Variants in FAF1 observed in about 807,000 individuals in gnomAD.
FAF1 encodes the protein Fas associated factor 1, also known as FAS-associated factor 1.
In FAF1, 25 loss-of-function variants were observed where a neutral mutation model predicts 92.5. The observed-to-expected ratio is 0.27, with a 90% confidence interval of 0.20 to 0.38. The LOEUF is 0.38. Among genes scored for constraint, FAF1 ranks in the 10% least tolerant of loss-of-function variants. FAF1 has a pLI of 1.00. For synonymous variants in FAF1, 234 were observed against 273.2 expected, an observed-to-expected ratio of 0.86 and a Z score of 1.42; for missense variants, 636 against 793.3, an observed-to-expected ratio of 0.80 and a Z score of 2.38.
At chr1:50,520,839 T>G (rs959944133) in intron 15 of FAF1, among the ~76,000 whole-genome samples, 1 of 152,194 alleles carries the variant, frequency 6.6e-6, no homozygotes, top group Non-Finnish European at 1.5e-5. Context: ...AGTGACACCC[T>G]GTCTCAAAAA....
intron 8 of FAF1, among the ~76,000 whole-genome samples, chr1:50,641,843 C>T (rs1331482193): frequency 6.6e-6 from 1 of 152,140 alleles, no homozygotes; most frequent in South Asian, 2.1e-4. Context: ...CATTTAGGAT[C>T]ATTCTGTCTT....
chr1:50,625,189 C>T (rs891404601), intron 8 of FAF1, among the ~76,000 whole-genome samples: 4 of 152,050 alleles, frequency 2.6e-5, no homozygotes, highest in African/African-American at 4.8e-5. Context: ...CGTGAGCCAC[C>T]GCTCCCGGCA....
intron 18 of FAF1, among the ~76,000 whole-genome samples, chr1:50,468,705 C>T (rs950547986): frequency 6.6e-6 from 1 of 151,844 alleles, no homozygotes; most frequent in Non-Finnish European, 1.5e-5. Context: ...GTGATCCACC[C>T]ACCTTGGCCT....
intron 15 of FAF1, among the ~76,000 whole-genome samples, chr1:50,530,024 AATC>A (rs1172896272): frequency 6.6e-6 from 1 of 152,188 alleles, no homozygotes; most frequent in East Asian, 1.9e-4. Flanking sequence ...TTAGTAACCT[AATC>A]ATCAACAGTT....
At chr1:50,766,063 G>C (rs1256701130) in intron 4 of FAF1, among the ~76,000 whole-genome samples, 2 of 152,084 alleles carry the variant, frequency 1.3e-5, no homozygotes, top group Non-Finnish European at 2.9e-5. Context: ...TTGCACTCCA[G>C]CCTGGGCGAC....
At chr1:50,461,589 G>A (rs983991627) in intron 18 of FAF1, 1 of 152,228 alleles carries the variant, frequency 6.6e-6, no homozygotes, top group South Asian at 2.1e-4. Context: ...TTCCCAGAGG[G>A]CCCTGACATA....
chr1:50,796,744 C>T (rs1316185376), intron 3 of FAF1, among the ~76,000 whole-genome samples: 1 of 152,178 alleles, frequency 6.6e-6, no homozygotes, highest in Non-Finnish European at 1.5e-5. Flanking sequence ...TGCAGTCACT[C>T]TATCTAGGTT....
At chr1:50,587,092 A>C (rs1424060462) in intron 9 of FAF1, among the ~76,000 whole-genome samples, 2 of 152,078 alleles carry the variant, frequency 1.3e-5, no homozygotes, top group African/African-American at 4.8e-5. Flanking sequence ...GAAAAAAGGG[A>C]ATGTTCTATA....
rs1214384784 is a variant in FAF1, at chr1:50,639,100, ATTAAC to A, written c.744+16337_744+16341del. On this transcript the variant is annotated intron_variant, in intron 8 of 18. Coordinates refer to ENST00000396153, the MANE Select transcript of FAF1 (RefSeq NM_007051.3). Reference sequence around the variant, plus strand: ...TGATGTAGTCTTTGTGCCTGTCATCATTAACTTAAGTATTGTATCTATCAGTAGTT... The same window carrying A: ...TGATGTAGTCTTTGTGCCTGTCATCATTAAGTATTGTATCTATCAGTAGTT... Among the ~76,000 whole-genome samples the A allele has an allele frequency of 3.9e-5, 6 of 152,338 alleles. No homozygotes were observed. In the South Asian group the frequency reaches 1.0e-3, roughly 26 times the overall value.
chr1:50,579,817 C>A (rs1251584332), intron 12 of FAF1, among the ~76,000 whole-genome samples: 2 of 151,950 alleles, frequency 1.3e-5, no homozygotes, highest in African/African-American at 4.8e-5. Context: ...ATCTAATACT[C>A]AAATATAACT....
intron 18 of FAF1, among the ~76,000 whole-genome samples, chr1:50,448,249 A>G (rs1438308914): frequency 6.6e-6 from 1 of 152,104 alleles, no homozygotes; most frequent in African/African-American, 2.4e-5. Context: ...TGAGTTCCCC[A>G]GTGGCTGGAA....
At chr1:50,772,315 AT>A (rs1200585780) in intron 4 of FAF1, among the ~76,000 whole-genome samples, 5 of 152,208 alleles carry the variant, frequency 3.3e-5, no homozygotes, top group African/African-American at 1.2e-4. Flanking sequence ...TTAAGAAAGA[AT>A]TACCGTCCTA....
intron 7 of FAF1, among the ~76,000 whole-genome samples, chr1:50,686,442 T>G (rs570514931): frequency 1.5e-4 from 23 of 152,060 alleles, no homozygotes; most frequent in African/African-American, 5.3e-4. Flanking sequence ...CTCAGGAGGC[T>G]GGGGCAGGAG....
At chr1:50,706,367 T>G (rs1415145344) in intron 6 of FAF1, among the ~76,000 whole-genome samples, 2 of 152,194 alleles carry the variant, frequency 1.3e-5, no homozygotes, top group Non-Finnish European at 2.9e-5. Flanking sequence ...CTACAGAACT[T>G]CAATTGTTAT....
At chr1:50,497,579 C>T (rs1486920984) in intron 15 of FAF1, among the ~76,000 whole-genome samples, 1 of 124,640 alleles carries the variant, frequency 8.0e-6, no homozygotes, top group Non-Finnish European at 1.6e-5. Flanking sequence ...GACGGAGTCT[C>T]ACTCTGTCAC....
chr1:50,914,910 C>G (rs186877966), intron 1 of FAF1, among the ~76,000 whole-genome samples: 67 of 152,296 alleles, frequency 4.4e-4, no homozygotes, highest in Admixed American at 3.6e-3. Flanking sequence ...GCATGTTTCT[C>G]TCTATCCTTG....
At chr1:50,572,096 C>A (rs1231592850) in intron 12 of FAF1, among the ~76,000 whole-genome samples, 1 of 152,274 alleles carries the variant, frequency 6.6e-6, no homozygotes, top group African/African-American at 2.4e-5. Context: ...TCATCATTAT[C>A]ATCAGTAATC....
intron 4 of FAF1, among the ~76,000 whole-genome samples, chr1:50,784,077 CA>C (rs1661276612): frequency 6.6e-6 from 1 of 152,158 alleles, no homozygotes; most frequent in Non-Finnish European, 1.5e-5. Flanking sequence ...CCACAGCTAA[CA>C]TCATATTCAA....
At chr1:50,918,913 T>A (rs919718113) in intron 1 of FAF1, among the ~76,000 whole-genome samples, 1 of 151,854 alleles carries the variant, frequency 6.6e-6, no homozygotes, top group Non-Finnish European at 1.5e-5. Context: ...TATCTCATAG[T>A]GGTTTTGATT....
Sources: gnomAD v4.1 joint callset for allele counts (sites outside exome capture counted in the v4.1 genomes callset) on GRCh38, gnomAD v4.1.1 for gene constraint, MANE v1.5 for transcripts, NCBI Gene and HGNC (gene_info 2026-07-23, HGNC 2026-07-21) for gene names.